Variants in PTPRO observed in about 807,000 individuals in gnomAD.
PTPRO encodes the protein protein tyrosine phosphatase receptor type O, also known as receptor-type tyrosine-protein phosphatase O.
PTPRO carries 62 observed loss-of-function variants against 145.2 expected under a neutral mutation model. The observed-to-expected ratio is 0.43, with a 90% CI of 0.35 to 0.53. The LOEUF is 0.53. Among genes scored for constraint, PTPRO ranks in the 20% least tolerant of loss-of-function variants. PTPRO has a pLI of 0.01. For synonymous variants in PTPRO, 565 were observed against 514.7 expected (o/e 1.10, Z -1.32); for missense variants, 1,345 against 1,482.7 (o/e 0.91, Z 1.53).
chr12:15,350,063 G>C (rs1447697241), intron 1 of PTPRO, among the ~76,000 whole-genome samples: 3 of 151,956 alleles, frequency 2.0e-5, no homozygotes, highest in Non-Finnish European at 4.4e-5. Flanking sequence ...CTGAAGAGAA[G>C]GATTTGAAAA....
chr12:15,581,245 G>A (rs1252537741), intron 22 of PTPRO, among the ~76,000 whole-genome samples: 1 of 152,018 alleles, frequency 6.6e-6, no homozygotes, highest in Non-Finnish European at 1.5e-5. Context: ...TCAGCAACCG[G>A]GGCTTACAGA....
At chr12:15,485,566 A>G (rs919215466) in intron 2 of PTPRO, among the ~76,000 whole-genome samples, 3 of 152,144 alleles carry the variant, frequency 2.0e-5, no homozygotes, top group African/African-American at 7.2e-5. Flanking sequence ...TGAGCAAGTA[A>G]TAGGAGAGAC....
intron 1 of PTPRO, among the ~76,000 whole-genome samples, chr12:15,381,119 TC>T (rs1194402081): frequency 1.3e-5 from 2 of 152,186 alleles, no homozygotes; most frequent in Non-Finnish European, 2.9e-5. Flanking sequence ...AAAATAAAAG[TC>T]ATCTAGTTTC....
intron 1 of PTPRO, among the ~76,000 whole-genome samples, chr12:15,357,539 G>GA (rs754595564): frequency 2.6e-5 from 4 of 151,678 alleles, no homozygotes; most frequent in Admixed American, 2.0e-4. Flanking sequence ...AAATTTACAA[G>GA]AAAAAAACAA....
intron 1 of PTPRO, among the ~76,000 whole-genome samples, chr12:15,342,333 C>G (rs912732202): frequency 6.6e-6 from 1 of 152,156 alleles, no homozygotes; most frequent in Admixed American, 6.5e-5. Context: ...TAATTTCATA[C>G]CCATACCACC....
At chr12:15,568,886 C>A (rs147729172) in intron 18 of PTPRO, among the ~76,000 whole-genome samples, 29 of 152,266 alleles carry the variant, frequency 1.9e-4, no homozygotes, top group African/African-American at 7.0e-4. Context: ...CTGTAGCTAG[C>A]AGCACAATTC....
At chr12:15,556,777 G>T (rs1943638598) in intron 15 of PTPRO, among the ~76,000 whole-genome samples, 1 of 152,088 alleles carries the variant, frequency 6.6e-6, no homozygotes, top group Admixed American at 6.5e-5. Context: ...AAAATGCTCA[G>T]TTCATCTAGG....
intron 1 of PTPRO, among the ~76,000 whole-genome samples, chr12:15,433,538 A>G (rs1330419391): frequency 1.3e-5 from 2 of 152,136 alleles, no homozygotes; most frequent in Non-Finnish European, 2.9e-5. Flanking sequence ...TTTTGTACAC[A>G]GTGAAGGAAA....
At chr12:15,385,321 T>C (rs948010804) in intron 1 of PTPRO, among the ~76,000 whole-genome samples, 3 of 152,132 alleles carry the variant, frequency 2.0e-5, no homozygotes, top group South Asian at 2.1e-4. Flanking sequence ...AAGTATAACG[T>C]TGATGCTTCC....
chr12:15,471,724 T>C (rs967771310), intron 1 of PTPRO, among the ~76,000 whole-genome samples: 2 of 152,204 alleles, frequency 1.3e-5, no homozygotes, highest in African/African-American at 4.8e-5. Flanking sequence ...TCCCCAGTGT[T>C]CTGCTCAGTT....
At chr12:15,390,999 G>C (rs1226875805) in intron 1 of PTPRO, among the ~76,000 whole-genome samples, 2 of 152,156 alleles carry the variant, frequency 1.3e-5, no homozygotes, top group African/African-American at 4.8e-5. Context: ...GATAAAATGA[G>C]AGTAAGCTAT....
chr12:15,350,377 A>C (rs771523627), intron 1 of PTPRO, among the ~76,000 whole-genome samples: 28 of 152,194 alleles, frequency 1.8e-4, no homozygotes, highest in Non-Finnish European at 3.5e-4. Flanking sequence ...ATTAACAGCC[A>C]GTCTGAAAGT....
At chr12:15,490,912 T>A (rs1375258066) in intron 2 of PTPRO, among the ~76,000 whole-genome samples, 1 of 152,098 alleles carries the variant, frequency 6.6e-6, no homozygotes, top group Non-Finnish European at 1.5e-5. Context: ...TGAGCAGAAA[T>A]GAATAAGAAT....
chr12:15,428,400 C>T lies in PTPRO; in HGVS notation c.76-55574C>T, dbSNP rs146365255. Reference sequence around the variant, plus strand: ...ATTTTTCATTTGTGGGAGGAGAATACATGTTCTTATTTTGATATTAAAATT... The same window carrying T: ...ATTTTTCATTTGTGGGAGGAGAATATATGTTCTTATTTTGATATTAAAATT... On this transcript the variant is annotated intron_variant, in intron 1 of 26. Transcript: ENST00000281171. Among the ~76,000 whole-genome samples the T allele has an allele frequency of 1.9e-3, 285 of 152,174 alleles. 4 individuals carry two copies. The Middle Eastern group carries it at 0.02, about 11-fold the overall frequency.
intron 12 of PTPRO, among the ~76,000 whole-genome samples, chr12:15,540,861 T>C (rs1943165913): frequency 6.6e-6 from 1 of 152,216 alleles, no homozygotes; most frequent in African/African-American, 2.4e-5. Flanking sequence ...GCCCATATTC[T>C]ATGCATTGTA....
chr12:15,582,821 G>A (rs1411570046), intron 23 of PTPRO, among the ~76,000 whole-genome samples: 1 of 151,752 alleles, frequency 6.6e-6, no homozygotes, highest in African/African-American at 2.4e-5. Context: ...GATTTCTGAT[G>A]GATAACACAT....
chr12:15,498,655 A>T (rs1349639222), intron 3 of PTPRO, among the ~76,000 whole-genome samples: 1 of 99,942 alleles, frequency 1.0e-5, no homozygotes, highest in Non-Finnish European at 2.0e-5. Context: ...ACAAAGTATT[A>T]TGTTCTTTAT....
chr12:15,385,908 GT>G (rs1248767202), intron 1 of PTPRO, among the ~76,000 whole-genome samples: 1 of 151,426 alleles, frequency 6.6e-6, no homozygotes, highest in Non-Finnish European at 1.5e-5. Context: ...AGAGATAAAG[GT>G]ATATTTCTCA....
chr12:15,460,875 A>G (rs1365497734), intron 1 of PTPRO, among the ~76,000 whole-genome samples: 1 of 152,128 alleles, frequency 6.6e-6, no homozygotes, highest in Admixed American at 6.6e-5. Flanking sequence ...CACGCAGAAC[A>G]TTTGCTAATT....
Sources: allele counts gnomAD v4.1 joint callset (sites outside exome capture counted in the v4.1 genomes callset), GRCh38; gene constraint gnomAD v4.1.1; transcripts MANE v1.5; gene names NCBI Gene and HGNC (gene_info 2026-07-23, HGNC 2026-07-21).